Variants in NCKAP5 observed in about 807,000 individuals in gnomAD.
The protein encoded by NCKAP5 is NCK associated protein 5.
In NCKAP5, 92 loss-of-function variants were observed where a neutral mutation model predicts 167.0. The ratio of observed to expected loss-of-function variants is 0.55; its 90% CI spans 0.47 to 0.66. The LOEUF (loss-of-function observed/expected upper bound fraction) is 0.66, where lower values mean the gene tolerates loss of function less well. NCKAP5 is among the 30% of genes least tolerant of loss of function. NCKAP5 has a pLI of 0.00. For synonymous variants in NCKAP5, 891 were observed against 877.4 expected, an observed-to-expected ratio of 1.02 and a Z score of -0.27; for missense variants, 2,378 against 2,315.0, an observed-to-expected ratio of 1.03 and a Z score of -0.56.
At chr2:133,349,842 C>T (rs138795432) in intron 3 of NCKAP5, among the ~76,000 whole-genome samples, 20 of 152,292 alleles carry the variant, frequency 1.3e-4, no homozygotes, top group Non-Finnish European at 2.6e-4. Flanking sequence ...CTATCCTCTT[C>T]TCTGAATTCT....
intron 5 of NCKAP5, among the ~76,000 whole-genome samples, chr2:133,158,807 A>G (rs1260426804): frequency 6.6e-6 from 1 of 152,046 alleles, no homozygotes; most frequent in Non-Finnish European, 1.5e-5. Flanking sequence ...CCATCATTCA[A>G]TTAATCACTC....
intron 3 of NCKAP5, among the ~76,000 whole-genome samples, chr2:133,493,037 TG>T (rs1402619828): frequency 6.6e-6 from 1 of 152,222 alleles, no homozygotes; most frequent in Admixed American, 6.5e-5. Flanking sequence ...CAAATTACTC[TG>T]TATTTATTTC....
intron 7 of NCKAP5, among the ~76,000 whole-genome samples, chr2:132,990,109 G>T (rs912364242): frequency 1.6e-4 from 25 of 152,144 alleles, no homozygotes; most frequent in African/African-American, 6.0e-4. Context: ...GAACTCATGA[G>T]GAAGCTCATG....
At chr2:133,006,280 GAAAC>G (rs780912905) in intron 6 of NCKAP5, among the ~76,000 whole-genome samples, 18 of 151,956 alleles carry the variant, frequency 1.2e-4, no homozygotes, top group African/African-American at 2.4e-4. Flanking sequence ...AAAACAAACA[GAAAC>G]AAACAAACAA....
At chr2:132,690,293 G>T (rs1573879174) in intron 19 of NCKAP5, among the ~76,000 whole-genome samples, 1 of 152,142 alleles carries the variant, frequency 6.6e-6, no homozygotes, top group East Asian at 1.9e-4. Context: ...TTCTGCAAAG[G>T]AACTGTGTCC....
At chr2:133,642,112 G>A in the NCKAP5 span, among the ~76,000 whole-genome samples, 1 of 152,178 alleles carries the variant, frequency 6.6e-6, no homozygotes, top group African/African-American at 2.4e-5. Flanking sequence ...AGATCACGTG[G>A]CAAGAGAGGA....
chr2:133,205,806 T>C (rs936498425), intron 5 of NCKAP5, among the ~76,000 whole-genome samples: 3 of 152,098 alleles, frequency 2.0e-5, no homozygotes, highest in Admixed American at 2.0e-4. Flanking sequence ...TCCATCAATA[T>C]CTCATACATT....
the NCKAP5 span, among the ~76,000 whole-genome samples, chr2:133,615,565 T>C: frequency 2.0e-5 from 3 of 152,154 alleles, no homozygotes; most frequent in South Asian, 2.1e-4. Flanking sequence ...GGCCATTACA[T>C]AATGGTAAAC....
intron 11 of NCKAP5, among the ~76,000 whole-genome samples, chr2:132,827,906 G>A (rs1012884045): frequency 1.6e-4 from 24 of 152,262 alleles, no homozygotes; most frequent in African/African-American, 5.8e-4. Context: ...CAAGGCCAAT[G>A]GTTGACCCTA....
At chr2:133,340,505 G>T (rs1010119687) in intron 3 of NCKAP5, among the ~76,000 whole-genome samples, 10 of 152,040 alleles carry the variant, frequency 6.6e-5, no homozygotes, top group Admixed American at 5.2e-4. Flanking sequence ...TGGATCCTCT[G>T]TAATTGCCAT....
intron 6 of NCKAP5, among the ~76,000 whole-genome samples, chr2:133,096,557 T>C (rs908406597): frequency 6.6e-6 from 1 of 151,904 alleles, no homozygotes; most frequent in African/African-American, 2.4e-5. Flanking sequence ...TACAGTACAA[T>C]TCTTGATAAC....
chr2:133,412,654 T>C (rs1277563315), intron 3 of NCKAP5, among the ~76,000 whole-genome samples: 1 of 152,178 alleles, frequency 6.6e-6, no homozygotes, highest in Non-Finnish European at 1.5e-5. Flanking sequence ...ACCTTAACTT[T>C]TTCCTGTAAT....
At chr2:133,366,151 T>A (rs60943510) in intron 3 of NCKAP5, among the ~76,000 whole-genome samples, 5,257 of 152,310 alleles carry the variant, frequency 0.035, 286 homozygotes, top group African/African-American at 0.12. Context: ...GTATTTTTTT[T>A]AATTTTGGAC....
chr2:132,913,186 T>G (rs1364392702), intron 8 of NCKAP5, among the ~76,000 whole-genome samples: 1 of 152,036 alleles, frequency 6.6e-6, no homozygotes, highest in Non-Finnish European at 1.5e-5. Context: ...TTATCCACCA[T>G]GTGCCAAGTT....
At chr2:133,142,799 A>T (rs1175322757) in intron 5 of NCKAP5, among the ~76,000 whole-genome samples, 1 of 152,144 alleles carries the variant, frequency 6.6e-6, no homozygotes, top group Non-Finnish European at 1.5e-5. Context: ...GACAGAGAAG[A>T]TTCAAAGATC....
At chr2:133,575,530 C>T in the NCKAP5 span, among the ~76,000 whole-genome samples, 46,020 of 152,104 alleles carry the variant, frequency 0.3, 7,344 homozygotes, top group South Asian at 0.39. Flanking sequence ...ATTCTACGGC[C>T]AGTGCCTTCT....
intron 5 of NCKAP5, among the ~76,000 whole-genome samples, chr2:133,211,173 C>T (rs1034107561): frequency 2.0e-5 from 3 of 152,094 alleles, no homozygotes; most frequent in African/African-American, 4.8e-5. Flanking sequence ...ACTCCTTCAC[C>T]TACTTCAGGT....
intron 3 of NCKAP5, among the ~76,000 whole-genome samples, chr2:133,416,708 G>A (rs1180534260): frequency 2.0e-5 from 3 of 151,926 alleles, no homozygotes; most frequent in Admixed American, 1.3e-4. Flanking sequence ...CACCACCTGT[G>A]GAATTTTTAG....
At chr2:132,948,662 C>A (rs931370986) in intron 8 of NCKAP5, among the ~76,000 whole-genome samples, 1 of 152,120 alleles carries the variant, frequency 6.6e-6, no homozygotes, top group African/African-American at 2.4e-5. Flanking sequence ...CCCCTTAATT[C>A]AATGCCAGAG....
Sources: gnomAD v4.1 joint callset for allele counts (sites outside exome capture counted in the v4.1 genomes callset) on GRCh38, gnomAD v4.1.1 for gene constraint, MANE v1.5 for transcripts, NCBI Gene and HGNC (gene_info 2026-07-23, HGNC 2026-07-21) for gene names.